The following DENND3 variants were observed in gnomAD, a reference collection of about 807,000 sequenced individuals.
DENND3 encodes the protein DENN domain-containing protein 3.
A neutral mutation model predicts 135.1 loss-of-function variants in DENND3; 88 were observed. The ratio of observed to expected loss-of-function variants is 0.65; its 90% CI spans 0.55 to 0.78. The LOEUF (loss-of-function observed/expected upper bound fraction) is 0.78. DENND3 is among the 30% of genes least tolerant of loss of function. The pLI is 0.00. For synonymous variants in DENND3, 693 were observed against 712.3 expected (o/e 0.97, Z 0.43); for missense variants, 1,392 against 1,688.4 (o/e 0.82, Z 3.08).
chr8:141,176,484 G>A (rs1822389784), intron 14 of DENND3, 107 bp from the exon 15 acceptor site: 2 of 1,380,912 alleles, frequency 1.4e-6, no homozygotes, highest in Admixed American at 1.9e-5. Context: ...ATGCGTGCCT[G>A]CAGCCCATCT....
chr8:141,160,872 G>C, intron 9 of DENND3, 85 bp downstream of exon 9: 2 of 1,512,766 alleles, frequency 1.3e-6, no homozygotes, highest in Admixed American at 1.8e-5. Context: ...CCGCCCCAGA[G>C]GGCAGGCCAT....
intron 7 of DENND3, among the ~76,000 whole-genome samples, chr8:141,152,076 G>A (rs1040994044): frequency 4.6e-5 from 7 of 152,238 alleles, no homozygotes; most frequent in Non-Finnish European, 7.3e-5. Flanking sequence ...TCATTGTCCC[G>A]GTGAGGGCCG....
chr8:141,149,666 C>T (rs560162300), intron 5 of DENND3, among the ~76,000 whole-genome samples: 2 of 152,352 alleles, frequency 1.3e-5, no homozygotes, highest in Admixed American at 6.5e-5. Context: ...CTTGCTCACA[C>T]GGGGACCTGT....
At position 141,192,516 on chromosome 8, in the gene DENND3, T is replaced by A; in HGVS notation, c.3499-10T>A. On this transcript the variant is annotated splice_polypyrimidine_tract_variant and intron_variant, in intron 21 of 22. Coordinates refer to ENST00000519811, the MANE Select transcript of DENND3 (RefSeq NM_001352890.3). ...GGGGCCCATAGCCCACACCGTGCCC[T>A]GCGTTTCAGGAGGAGCAGCTGTGGG... is the stretch of plus-strand genomic sequence containing the variant. 1 of 1,602,362 alleles carries A rather than the reference T, an allele frequency of 6.2e-7. No individual in the cohort carries two copies. Among genetic ancestry groups the A allele is most frequent in the Non-Finnish European group, 8.5e-7 (1 of 1,173,146 alleles).
At position 141,141,179 on chromosome 8, in the gene DENND3, A is replaced by G. The variant is rs1169331167; in HGVS notation, c.502-24A>G. 1.9e-6 allele frequency: 3 copies of G among 1,613,850 alleles called. No homozygotes were observed. The highest frequency in any genetic ancestry group is 1.1e-5 in the South Asian group (1 of 91,082). On this transcript the variant is annotated intron_variant, in intron 3 of 22. Transcript: ENST00000519811. The surrounding 1 kb of genome is among the most constrained non-coding windows in gnomAD (Gnocchi z 5.3). ...GAATTGCCAAGGTGGGGAGGTGACC[A>G]TGTCGCTGTTGCTTTTCATGTAGGA...
intron 9 of DENND3, among the ~76,000 whole-genome samples, chr8:141,161,195 G>A (rs1418261606): frequency 6.6e-6 from 1 of 152,212 alleles, no homozygotes; most frequent in African/African-American, 2.4e-5. Context: ...CTGGCTCCGG[G>A]CTCTGGCTCA....
At chr8:141,186,487 T>C (rs1823906483) in intron 18 of DENND3, among the ~76,000 whole-genome samples, 2 of 152,190 alleles carry the variant, frequency 1.3e-5, no homozygotes, top group South Asian at 2.1e-4. Context: ...CAACACAAAT[T>C]TGTAAACTTT....
intron 9 of DENND3, among the ~76,000 whole-genome samples, chr8:141,161,613 TTC>T (rs1223206736): frequency 6.6e-6 from 1 of 152,220 alleles, no homozygotes; most frequent in Non-Finnish European, 1.5e-5. Context: ...CTTTCTCCTT[TTC>T]TCTGGCAGTG....
rs1311541335 is a variant in DENND3, at chr8:141,194,224, A to G, written c.3828A>G (p.Lys1276=). 6.2e-7 allele frequency: 1 copy of G among 1,612,448 alleles called. No individual in the cohort carries two copies. Among genetic ancestry groups the G allele is most frequent in the Non-Finnish European group, 8.5e-7 (1 of 1,179,768 alleles). The stretch of plus-strand genomic sequence containing the variant: ...AGGAGGGGAAAGTCGCCATTTGGAA[A>G]GGCGAATAAACGTGGCTGAGTCTGC... The part of the protein sequence containing the change: ...GREEGKVAIW[K]GE The change falls in exon 23 of 23, where the codon AAA becomes AAG. Residue 1276 remains lysine (K), a synonymous_variant. Transcript: ENST00000519811.
At chr8:141,135,303 C>G (rs556941864) in intron 1 of DENND3, among the ~76,000 whole-genome samples, 10 of 152,278 alleles carry the variant, frequency 6.6e-5, no homozygotes, top group African/African-American at 2.4e-4. Context: ...AGGCATGTGC[C>G]ACTATGCCTG....
chr8:141,145,820 TATATATATATATATA>T (rs1817972579), intron 5 of DENND3, among the ~76,000 whole-genome samples: 42 of 36,596 alleles, frequency 1.1e-3, no homozygotes, highest in African/African-American at 3.6e-3. Context: ...TATATATATA[TATATATATATATATA>T]TATATATATA....
rs182550736 is a variant in DENND3, at chr8:141,137,003, G to A, written c.385+212G>A. Among the ~76,000 whole-genome samples the A allele has an allele frequency of 1.0e-3, 159 of 151,664 alleles. No individual in the cohort carries two copies. Among genetic ancestry groups the A allele is most frequent in the African/African-American group, 3.1e-3 (127 of 41,334 alleles). ...ATTTATTTATTTACTTTTTTGAGAC[G>A]GAGCGTCACTCTGTCACTCAGGCTG... On this transcript the variant is annotated intron_variant, in intron 2 of 22. Coordinates refer to ENST00000519811, the MANE Select transcript of DENND3 (RefSeq NM_001352890.3). The surrounding 1 kb of genome is among the most constrained non-coding windows in gnomAD (Gnocchi z 4.1).
rs1054906425 is a variant in DENND3, at chr8:141,154,149, C to A, written c.1075-1700C>A. On this transcript the variant is annotated intron_variant, in intron 7 of 22. Coordinates refer to ENST00000519811, the MANE Select transcript of DENND3 (RefSeq NM_001352890.3). This position sits in a 1 kb window ranked among gnomAD's most constrained non-coding sequence, Gnocchi z 4.4. ...GCCAAGAATGTGTTTGCACATATTT[C>A]ATGTAGCCACCTGAACTGCACTCCA... Among the ~76,000 whole-genome samples, 8 of 152,238 alleles carry A rather than the reference C, an allele frequency of 5.3e-5. No homozygotes were observed. The highest frequency in any genetic ancestry group is 1.7e-4 in the African/African-American group (7 of 41,460).
At position 141,155,845 on chromosome 8, in the gene DENND3, C is replaced by T. The variant is rs781484587; in HGVS notation, c.1075-4C>T. 6.3e-7 allele frequency: 1 copy of T among 1,581,344 alleles called. No homozygotes were observed. Among genetic ancestry groups the T allele is most frequent in the Non-Finnish European group, 8.6e-7 (1 of 1,163,572 alleles). ...ATCTTTACAGATGATTCCTTGTTTT[C>T]TAGGAAGCCGACGGTTTAGTTCTGA... On this transcript the variant is annotated splice_polypyrimidine_tract_variant and splice_region_variant and intron_variant, in intron 7 of 22. Coordinates refer to ENST00000519811, the MANE Select transcript of DENND3 (RefSeq NM_001352890.3).
chr8:141,133,048 G>T (rs973920608), intron 1 of DENND3, among the ~76,000 whole-genome samples: 2 of 152,216 alleles, frequency 1.3e-5, no homozygotes, highest in Admixed American at 1.3e-4. Flanking sequence ...GATGCTCCAG[G>T]GGGTGATGAG....
At chr8:141,170,990 C>T (rs1020851877) in intron 13 of DENND3, among the ~76,000 whole-genome samples, 1 of 152,158 alleles carries the variant, frequency 6.6e-6, no homozygotes, top group Non-Finnish European at 1.5e-5. Context: ...GTCATGTGGC[C>T]GCCCAGTTGC....
Position 141,160,717 on chromosome 8 carries a change from C to T in DENND3, c.1282C>T (p.Arg428Trp), listed in dbSNP as rs753582837. ...CCTGAAGGAGGGCCGAGCCCACCGG[C>T]GGTCCTGGCAGCAGAAACTCAACTG... ...TDLKEGRAHRRSWQQKLNCQI... is the reference protein window; with the variant it reads ...TDLKEGRAHRWSWQQKLNCQI... The change falls in exon 9 of 23, where the codon CGG becomes TGG. Residue 428 changes from arginine to tryptophan, a missense_variant. Transcript: ENST00000519811. 23 of 1,613,090 alleles carry T rather than the reference C, an allele frequency of 1.4e-5. No homozygotes were observed. The highest frequency in any genetic ancestry group is 1.9e-5 in the Non-Finnish European group (22 of 1,179,868).
At chr8:141,188,883 G>A in intron 18 of DENND3, 103 bp from the exon 19 acceptor site, 1 of 1,446,274 alleles carries the variant, frequency 6.9e-7, no homozygotes, top group Non-Finnish European at 9.2e-7. Flanking sequence ...TAGGAGCAGT[G>A]GTTCCATATC....
chr8:141,188,858 A>T, intron 18 of DENND3, 128 bp from the exon 19 acceptor site: 1 of 1,280,952 alleles, frequency 7.8e-7, no homozygotes, highest in Non-Finnish European at 1.1e-6. Flanking sequence ...CAGGACCCTG[A>T]GCCGGCGTGT....
Sources: gnomAD v4.1 joint callset for allele counts (sites outside exome capture counted in the v4.1 genomes callset) on GRCh38, gnomAD v4.1.1 for gene constraint, Gnocchi (gnomAD v3.1) non-coding constraint, MANE v1.5 for transcripts, NCBI Gene and HGNC (gene_info 2026-07-23, HGNC 2026-07-21) for gene names.